GALC: variants seen among roughly 807,000 people sequenced by gnomAD.
The protein encoded by GALC is galactosylceramidase.
Under a neutral mutation model 91.8 loss-of-function variants are expected in GALC, and 77 were observed. The ratio of observed to expected loss-of-function variants is 0.84; its 90% CI spans 0.70 to 1.01. The LOEUF (loss-of-function observed/expected upper bound fraction) is 1.01, where lower values mean the gene tolerates loss of function less well. Ranked by LOEUF, GALC falls within the 50% of genes least tolerant of loss-of-function variation. The pLI is 0.00. For synonymous variants in GALC, 357 were observed against 306.7 expected (o/e 1.16, Z -1.71); for missense variants, 882 against 855.9 (o/e 1.03, Z -0.38).
intron 10 of GALC, chr14:87,952,998 C>A (rs1885375336): frequency 9.5e-7 from 1 of 1,058,066 alleles, no homozygotes; most frequent in South Asian, 1.3e-5. Flanking sequence ...TCAGTTAGAC[C>A]ACAAATGTGC....
At position 87,980,340 on chromosome 14, in the gene GALC, C is replaced by A. The variant is rs958918829; in HGVS notation, c.621+1865G>T. Among the ~76,000 whole-genome samples the A allele has an allele frequency of 7.2e-4, 109 of 151,256 alleles. 1 individual carries two copies. Among genetic ancestry groups the A allele is most frequent in the African/African-American group, 2.6e-3 (107 of 40,984 alleles). The stretch of plus-strand genomic sequence containing the variant: ...GAGGTTGCAGTGAGCCAAGATGGCG[C>A]CATTGCACTCCAGCCTGGGTGACAG... On this transcript the variant is annotated intron_variant, in intron 6 of 16. Transcript: ENST00000261304.
chr14:87,947,906 G>A (rs1885139823), intron 12 of GALC, 28 bp from the exon 13 acceptor site: 1 of 1,605,254 alleles, frequency 6.2e-7, no homozygotes, highest in Admixed American at 1.7e-5. Context: ...ACTGTATTCA[G>A]GACCAGGTAC....
At chr14:87,940,993 G>A (rs547738461) in intron 15 of GALC, among the ~76,000 whole-genome samples, 10 of 151,922 alleles carry the variant, frequency 6.6e-5, no homozygotes, top group South Asian at 4.2e-4. Context: ...ATTTTAAGCC[G>A]ATCAATTCCC....
Position 87,976,438 on chromosome 14 carries a change from T to A in GALC, c.672A>T (p.Ile224=), listed in dbSNP as rs767189595. 1 of 1,613,658 alleles carries A rather than the reference T, an allele frequency of 6.2e-7. No individual in the cohort carries two copies. The highest frequency in any genetic ancestry group is 8.5e-7 in the Non-Finnish European group (1 of 1,179,528). ...NYQGLQRVKI[I]ASDNLWESIS... The stretch of plus-strand genomic sequence containing the variant: ...TGGACTCCCAGAGATTATCACTTGC[T>A]ATGATTTTCACTCGCTGGAGACCTT... The change falls in exon 7 of 17, where the codon ATA becomes ATT. Residue 224 remains isoleucine, a synonymous_variant. Transcript: ENST00000261304.
chr14:87,993,342 C>T (rs1386197330), upstream of GALC: 2 of 1,535,560 alleles, frequency 1.3e-6, no homozygotes, highest in African/African-American at 1.4e-5. Flanking sequence ...TCTTATCGCT[C>T]GCGTGTCTGT....
intron 4 of GALC, 88 bp from the exon 5 acceptor site, chr14:87,984,621 C>T (rs1451173785): frequency 7.3e-7 from 1 of 1,361,784 alleles, no homozygotes; most frequent in Non-Finnish European, 1.0e-6. Flanking sequence ...TTAAGAAAAG[C>T]ATTCAACTAG....
At position 87,936,726 on chromosome 14, in the gene GALC, TA is replaced by T. The variant is rs200702353; in HGVS notation, c.1912-1849del. On this transcript the variant is annotated intron_variant, in intron 16 of 16. Transcript: ENST00000261304. ...ACCCTCAAAACAACCTCACAGAAGT[TA>T]TCTCCATTTTGCAGATAAGGAAATG... Among the ~76,000 whole-genome samples, 132 of 151,564 alleles carry T rather than the reference TA, an allele frequency of 8.7e-4. 4 individuals are homozygous for T. In the East Asian group the frequency reaches 0.024, roughly 28 times the overall value.
intron 10 of GALC, chr14:87,954,040 T>G: frequency 5.6e-6 from 9 of 1,609,832 alleles, no homozygotes; most frequent in South Asian, 2.2e-5. Context: ...GACCAATGGG[T>G]TGGCGAGACA....
At chr14:87,976,565 AAAG>A in intron 6 of GALC, 77 bp from the exon 7 acceptor site, 1 of 1,171,008 alleles carries the variant, frequency 8.5e-7, no homozygotes, top group Non-Finnish European at 1.3e-6. Flanking sequence ...CAAGATAGAT[AAAG>A]TTATCTTTAC....
At chr14:87,991,815 G>A (rs1334671156) in intron 1 of GALC, among the ~76,000 whole-genome samples, 4 of 152,052 alleles carry the variant, frequency 2.6e-5, no homozygotes, top group Non-Finnish European at 1.5e-5. Flanking sequence ...AAACCTAATG[G>A]AAACAAAGAC....
Position 87,972,238 on chromosome 14 carries a change from A to T in GALC, c.753-3748T>A, listed in dbSNP as rs116225254. On this transcript the variant is annotated intron_variant, in intron 7 of 16. Transcript: ENST00000261304. Reference sequence around the variant, plus strand: ...ATGAACTACCTCTATATATAACAACATGCATTAATCTCACAAATTTATATA... The same window carrying T: ...ATGAACTACCTCTATATATAACAACTTGCATTAATCTCACAAATTTATATA... 6.0e-3 allele frequency among the ~76,000 whole-genome samples: 914 copies of T among 152,346 alleles called. 11 individuals are homozygous for T. Among genetic ancestry groups the T allele is most frequent in the African/African-American group, 0.021 (877 of 41,580 alleles).
chr14:87,949,440 C>T (rs1050437578), intron 12 of GALC, among the ~76,000 whole-genome samples: 1 of 151,910 alleles, frequency 6.6e-6, no homozygotes, highest in Non-Finnish European at 1.5e-5. Context: ...CACTCTGTAG[C>T]AGTGTGATGG....
chr14:87,988,065 A>T, intron 3 of GALC, 79 bp downstream of exon 3: 1 of 1,082,716 alleles, frequency 9.2e-7, no homozygotes, highest in South Asian at 1.2e-5. Context: ...GTTTACACAT[A>T]TTCTGAAATC....
chr14:87,975,611 GA>G (rs1003388844), intron 7 of GALC, among the ~76,000 whole-genome samples: 6 of 152,066 alleles, frequency 3.9e-5, no homozygotes, highest in Non-Finnish European at 7.4e-5. Flanking sequence ...CACAGTTCAA[GA>G]GGTTGAGTGA....
Position 87,945,545 on chromosome 14 carries a change from A to C in GALC, c.1670+8T>G, listed in dbSNP as rs779915053. ...CAGCCAGATCCACATTGAGAACATC[A>C]ATCTTACCAGTTGTAGTCTCCTATA... On this transcript the variant is annotated splice_region_variant and intron_variant, in intron 14 of 16. Coordinates refer to ENST00000261304, the MANE Select transcript of GALC (RefSeq NM_000153.4). 1 of 1,577,896 alleles carries C rather than the reference A, an allele frequency of 6.3e-7. No homozygotes were observed. The highest frequency in any genetic ancestry group is 8.7e-7 in the Non-Finnish European group (1 of 1,147,234).
intron 16 of GALC, 65 bp downstream of exon 16, chr14:87,939,840 A>C: frequency 9.0e-7 from 1 of 1,112,844 alleles, no homozygotes; most frequent in Non-Finnish European, 1.4e-6. Flanking sequence ...ATTTTATAAC[A>C]GAAAATTATA....
intron 1 of GALC, 165 bp downstream of exon 1, chr14:87,992,805 C>G (rs1272344711): frequency 1.4e-6 from 2 of 1,408,102 alleles, no homozygotes; most frequent in African/African-American, 2.9e-5. Context: ...CCGCCCCAGC[C>G]CCGCAGCGGG....
At chr14:87,952,694 T>A in intron 10 of GALC, 1 of 1,507,944 alleles carries the variant, frequency 6.6e-7, no homozygotes. Flanking sequence ...AATCTATTGG[T>A]CTCCAGATCT....
chr14:87,967,719 C>G (rs1308964350), intron 8 of GALC, among the ~76,000 whole-genome samples: 1 of 152,132 alleles, frequency 6.6e-6, no homozygotes, highest in African/African-American at 2.4e-5. Context: ...GGGAAGCAGA[C>G]AGTCCACAAC....
Sources: gnomAD v4.1 joint callset for allele counts (sites outside exome capture counted in the v4.1 genomes callset) on GRCh38, gnomAD v4.1.1 for gene constraint, MANE v1.5 for transcripts, NCBI Gene and HGNC (gene_info 2026-07-23, HGNC 2026-07-21) for gene names.